The following CEP63 variants were observed in gnomAD, a reference collection of about 807,000 sequenced individuals.
CEP63 encodes centrosomal protein of 63 kDa.
Under a neutral mutation model 89.1 loss-of-function variants are expected in CEP63, and 84 were observed. The observed-to-expected ratio is 0.94, with a 90% CI of 0.79 to 1.13. The LOEUF is 1.13. Among genes scored for constraint, CEP63 ranks in the 50% most tolerant of loss-of-function variants. CEP63 has a pLI of 0.00. For missense variants in CEP63, 838 were observed against 813.3 expected (o/e 1.03, Z -0.37); for synonymous variants, 267 against 272.5 (o/e 0.98, Z 0.20).
intron 3 of CEP63, among the ~76,000 whole-genome samples, chr3:134,517,617 G>A (rs9289475): frequency 0.66 from 100,439 of 151,968 alleles, 33,560 homozygotes; most frequent in East Asian, 0.81. Flanking sequence ...CGTCACAGGT[G>A]TGGTCTCTGA....
chr3:134,632,997 A>G, the CEP63 span, among the ~76,000 whole-genome samples: 8 of 152,016 alleles, frequency 5.3e-5, no homozygotes, highest in Non-Finnish European at 8.8e-5. Flanking sequence ...TGTGCACATA[A>G]ATTCTACAAC....
chr3:134,596,904 CT>C, the CEP63 span, among the ~76,000 whole-genome samples: 1 of 152,170 alleles, frequency 6.6e-6, no homozygotes, highest in Non-Finnish European at 1.5e-5. Context: ...CTAGGAAGGT[CT>C]GACAGAGTGG....
the CEP63 span, chr3:134,625,213 T>G: frequency 1.8e-6 from 2 of 1,110,042 alleles, no homozygotes; most frequent in Non-Finnish European, 2.7e-6. Context: ...GCTGTCTCTT[T>G]GAGGAGCTGT....
At chr3:134,744,122 T>G in the CEP63 span, among the ~76,000 whole-genome samples, 1 of 152,304 alleles carries the variant, frequency 6.6e-6, no homozygotes, top group South Asian at 2.1e-4. Context: ...TAGAGCCCTA[T>G]CCATAATTGA....
chr3:134,532,252 A>G (rs1330008826), intron 4 of CEP63, among the ~76,000 whole-genome samples: 1 of 152,238 alleles, frequency 6.6e-6, no homozygotes, highest in Admixed American at 6.5e-5. Flanking sequence ...TTTAATTTTT[A>G]TCAGTTACTA....
the CEP63 span, chr3:134,604,569 C>T: frequency 3.7e-6 from 4 of 1,093,486 alleles, no homozygotes; most frequent in Non-Finnish European, 5.3e-6. Context: ...AGAAAAACGT[C>T]CTGACTTATA....
downstream of CEP63, among the ~76,000 whole-genome samples, chr3:134,588,332 CAT>C (rs1271080815): frequency 6.6e-6 from 1 of 152,048 alleles, no homozygotes; most frequent in Non-Finnish European, 1.5e-5. Flanking sequence ...TAATATTAAA[CAT>C]ATGTTGAGAC....
chr3:134,522,827 G>A (rs1577027647), intron 3 of CEP63, among the ~76,000 whole-genome samples: 1 of 152,060 alleles, frequency 6.6e-6, no homozygotes. Flanking sequence ...GGTTGATACT[G>A]TGTTTTTGCT....
chr3:134,503,504 A>G (rs989815404), intron 2 of CEP63, among the ~76,000 whole-genome samples: 1 of 152,180 alleles, frequency 6.6e-6, no homozygotes, highest in African/African-American at 2.4e-5. Flanking sequence ...GAAATGTTCT[A>G]TAAATGTCTT....
chr3:134,531,380 C>G (rs1269547154), intron 3 of CEP63, among the ~76,000 whole-genome samples: 2 of 152,080 alleles, frequency 1.3e-5, no homozygotes, highest in East Asian at 1.9e-4. Context: ...GTCAGGAGTT[C>G]AAGACCAGCC....
At chr3:134,593,450 A>T in the CEP63 span, among the ~76,000 whole-genome samples, 97,940 of 151,982 alleles carry the variant, frequency 0.64, 32,114 homozygotes, top group East Asian at 0.81. Flanking sequence ...AGTAACTTGC[A>T]CAAATCAGCT....
At chr3:134,726,959 C>T in the CEP63 span, among the ~76,000 whole-genome samples, 1 of 151,892 alleles carries the variant, frequency 6.6e-6, no homozygotes, top group African/African-American at 2.4e-5. Flanking sequence ...TAAAAAATAT[C>T]TTGCAGACAT....
At chr3:134,629,781 C>A in the CEP63 span, 1 of 820,626 alleles carries the variant, frequency 1.2e-6, no homozygotes, top group Non-Finnish European at 2.0e-6. Flanking sequence ...AATAAAAAAA[C>A]AATTAGTTTT....
chr3:134,611,926 A>G, the CEP63 span, among the ~76,000 whole-genome samples: 1 of 152,286 alleles, frequency 6.6e-6, no homozygotes, highest in Non-Finnish European at 1.5e-5. Context: ...ATATTGGATT[A>G]AATATTACTA....
At chr3:134,657,055 C>T in the CEP63 span, among the ~76,000 whole-genome samples, 1 of 152,114 alleles carries the variant, frequency 6.6e-6, no homozygotes, top group Admixed American at 6.6e-5. Context: ...TTTTATGCTG[C>T]TGACAAAGAC....
intron 10 of CEP63, among the ~76,000 whole-genome samples, chr3:134,585,450 C>A (rs950318656): frequency 6.6e-6 from 1 of 152,110 alleles, no homozygotes; most frequent in Non-Finnish European, 1.5e-5. Context: ...CATTTACCCA[C>A]TAGTCATTCA....
At chr3:134,629,744 G>A in the CEP63 span, 7 of 1,172,234 alleles carry the variant, frequency 6.0e-6, no homozygotes, top group Non-Finnish European at 7.5e-6. Flanking sequence ...TGCCAGGAAA[G>A]GGTGAATGCC....
intron 6 of CEP63, among the ~76,000 whole-genome samples, chr3:134,537,960 C>G (rs1951106461): frequency 6.6e-6 from 1 of 152,130 alleles, no homozygotes; most frequent in Non-Finnish European, 1.5e-5. Flanking sequence ...AAACAGACAC[C>G]TACTTTAGGA....
Position 134,583,691 on chromosome 3 carries a change from G to A in CEP63, c.1207-3767G>A, listed in dbSNP as rs561442658. 5.0e-3 allele frequency among the ~76,000 whole-genome samples: 762 copies of A among 152,028 alleles called. 7 individuals are homozygous for A. The highest frequency in any genetic ancestry group is 9.3e-3 in the Admixed American group (141 of 15,238). On this transcript the variant is annotated intron_variant, in intron 10 of 10. Transcript: ENST00000683931. ...CTTTTTTGGTTCCATATGAACTTTAGAGTATTTTTTTCCAATTCTGTGAAG... is the reference window on the plus strand; with the variant it reads ...CTTTTTTGGTTCCATATGAACTTTAAAGTATTTTTTTCCAATTCTGTGAAG...
Sources: allele counts gnomAD v4.1 joint callset (sites outside exome capture counted in the v4.1 genomes callset), GRCh38; gene constraint gnomAD v4.1.1; transcripts MANE v1.5; gene names NCBI Gene and HGNC (gene_info 2026-07-23, HGNC 2026-07-21).